Variants in EFCAB11 observed in about 807,000 individuals in gnomAD.
EFCAB11 encodes EF-hand calcium binding domain 11.
EFCAB11 carries 14 observed loss-of-function variants against 23.0 expected under a neutral mutation model. The observed-to-expected ratio is 0.61, with a 90% confidence interval of 0.40 to 0.95. EFCAB11 has a LOEUF of 0.95. Ranked by LOEUF, EFCAB11 falls within the 40% of genes least tolerant of loss-of-function variation. The pLI, the probability that EFCAB11 is intolerant of heterozygous loss-of-function variation, is 0.00. For missense variants in EFCAB11, 198 were observed against 195.8 expected (o/e 1.01, Z -0.07); for synonymous variants, 65 against 66.6 (o/e 0.98, Z 0.11).
At chr14:89,942,846 C>T (rs1890838736) in intron 3 of EFCAB11, among the ~76,000 whole-genome samples, 1 of 152,212 alleles carries the variant, frequency 6.6e-6, no homozygotes, top group African/African-American at 2.4e-5. Context: ...TTTGACTTAA[C>T]TTTTCACTCT....
chr14:89,921,682 G>A (rs1890026666), intron 5 of EFCAB11, among the ~76,000 whole-genome samples: 1 of 152,154 alleles, frequency 6.6e-6, no homozygotes. Flanking sequence ...CAGACAAGAT[G>A]GCCAGACATA....
chr14:89,878,105 A>T (rs1888495049), intron 5 of EFCAB11, among the ~76,000 whole-genome samples: 1 of 152,190 alleles, frequency 6.6e-6, no homozygotes, highest in Admixed American at 6.5e-5. Flanking sequence ...AGATTCTATG[A>T]TTTCAAAAGA....
At chr14:89,914,560 G>T (rs189623203) in intron 5 of EFCAB11, among the ~76,000 whole-genome samples, 1 of 152,140 alleles carries the variant, frequency 6.6e-6, no homozygotes, top group Non-Finnish European at 1.5e-5. Context: ...TGAAGCAGGC[G>T]GATCACTTGA....
chr14:89,937,673 G>T (rs931557206), intron 3 of EFCAB11, among the ~76,000 whole-genome samples: 5 of 152,026 alleles, frequency 3.3e-5, no homozygotes, highest in Non-Finnish European at 5.9e-5. Flanking sequence ...TTACAGGTGT[G>T]TGCCATCACA....
At chr14:89,859,530 G>C (rs920825147) in intron 5 of EFCAB11, among the ~76,000 whole-genome samples, 3 of 152,342 alleles carry the variant, frequency 2.0e-5, no homozygotes, top group Admixed American at 2.0e-4. Flanking sequence ...AGGCAGGGGA[G>C]TAGGACCTGG....
At chr14:89,932,831 A>G (rs1050363160) in intron 3 of EFCAB11, among the ~76,000 whole-genome samples, 5 of 152,222 alleles carry the variant, frequency 3.3e-5, no homozygotes, top group African/African-American at 1.2e-4. Flanking sequence ...CAGATCCAAC[A>G]CTAGAAATCA....
chr14:89,894,469 C>T (rs1889097957), intron 5 of EFCAB11, among the ~76,000 whole-genome samples: 1 of 150,958 alleles, frequency 6.6e-6, no homozygotes, highest in Admixed American at 6.6e-5. Context: ...GTTCCCCTCC[C>T]TGTGTCCATG....
chr14:89,821,696 G>A lies in EFCAB11; in HGVS notation c.411-24372C>T, dbSNP rs548316917. On this transcript the variant is annotated intron_variant, in intron 5 of 5. Transcript: ENST00000316738. ...TCCTAGCTTTCTGCCTAGAGGCACC[G>A]TTTGGATGGAGGTGCGGGAGAGGGA... Among the ~76,000 whole-genome samples, 22 of 152,310 alleles carry A rather than the reference G, an allele frequency of 1.4e-4. No homozygotes were observed. In the South Asian group the frequency reaches 3.1e-3, roughly 22 times the overall value.
At chr14:89,934,768 G>A (rs970702827) in intron 3 of EFCAB11, among the ~76,000 whole-genome samples, 1 of 152,158 alleles carries the variant, frequency 6.6e-6, no homozygotes, top group African/African-American at 2.4e-5. Flanking sequence ...GTCTAGCTAT[G>A]CCATGTGCCC....
At chr14:89,941,962 G>A (rs1361320031) in intron 3 of EFCAB11, among the ~76,000 whole-genome samples, 1 of 152,124 alleles carries the variant, frequency 6.6e-6, no homozygotes, top group African/African-American at 2.4e-5. Context: ...CTGGTGGGAG[G>A]TGACTGAATC....
intron 5 of EFCAB11, chr14:89,892,111 C>T: frequency 1.3e-6 from 2 of 1,550,974 alleles, no homozygotes; most frequent in African/African-American, 2.7e-5. Flanking sequence ...ACATCCAAGA[C>T]TGGCACCAGG....
At chr14:89,859,947 T>C (rs929546383) in intron 5 of EFCAB11, among the ~76,000 whole-genome samples, 1 of 152,212 alleles carries the variant, frequency 6.6e-6, no homozygotes. Context: ...TCTCACTTCA[T>C]TGCTGAGGAA....
intron 5 of EFCAB11, among the ~76,000 whole-genome samples, chr14:89,908,507 T>A (rs969518816): frequency 1.2e-4 from 19 of 152,238 alleles, no homozygotes; most frequent in African/African-American, 4.6e-4. Context: ...AAATATTGTA[T>A]AAAATTACCT....
chr14:89,855,587 CAACT>C (rs61113555), intron 5 of EFCAB11, among the ~76,000 whole-genome samples: 22,618 of 152,018 alleles, frequency 0.15, 2,313 homozygotes, highest in African/African-American at 0.29. Flanking sequence ...TAACATATCC[CAACT>C]AACTATTGCA....
intron 5 of EFCAB11, among the ~76,000 whole-genome samples, chr14:89,871,112 G>A (rs1028929663): frequency 1.3e-5 from 2 of 151,926 alleles, no homozygotes; most frequent in African/African-American, 4.8e-5. Flanking sequence ...GGATTTTTTA[G>A]TTTGATTAAA....
At chr14:89,922,478 C>A (rs1890050710) in intron 5 of EFCAB11, among the ~76,000 whole-genome samples, 1 of 152,152 alleles carries the variant, frequency 6.6e-6, no homozygotes, top group African/African-American at 2.4e-5. Context: ...ACAGTGCAGT[C>A]CAGAGAGGTT....
chr14:89,933,994 G>A (rs1219391919), intron 3 of EFCAB11, among the ~76,000 whole-genome samples: 3 of 152,180 alleles, frequency 2.0e-5, no homozygotes, highest in Non-Finnish European at 4.4e-5. Context: ...GTGTGGCAAG[G>A]TGGGAAAATG....
At chr14:89,821,267 C>T (rs1237261892) in intron 5 of EFCAB11, among the ~76,000 whole-genome samples, 1 of 152,166 alleles carries the variant, frequency 6.6e-6, no homozygotes, top group African/African-American at 2.4e-5. Flanking sequence ...AGACTGAGAT[C>T]TCCCAAAGAA....
intron 5 of EFCAB11, among the ~76,000 whole-genome samples, chr14:89,906,836 T>A (rs1889515634): frequency 6.6e-6 from 1 of 152,216 alleles, no homozygotes; most frequent in Admixed American, 6.5e-5. Flanking sequence ...GAAACAAGTA[T>A]TTATCATGCA....
Sources: allele counts gnomAD v4.1 joint callset (sites outside exome capture counted in the v4.1 genomes callset), GRCh38; gene constraint gnomAD v4.1.1; transcripts MANE v1.5; gene names NCBI Gene and HGNC (gene_info 2026-07-23, HGNC 2026-07-21).